Variants in PRG3 observed in about 807,000 individuals in gnomAD.
PRG3 encodes proteoglycan 3.
In PRG3, 25 loss-of-function variants were observed where a neutral mutation model predicts 26.1. That is an observed-to-expected ratio of 0.96 (90% CI 0.70 to 1.34). PRG3 has a LOEUF of 1.34. Ranked by LOEUF, PRG3 falls within the 40% of genes most tolerant of loss-of-function variation. PRG3 has a pLI of 0.00. For synonymous variants in PRG3, 111 were observed against 100.4 expected (o/e 1.11, Z -0.63); for missense variants, 280 against 264.8 (o/e 1.06, Z -0.40).
intron 5 of PRG3, 105 bp downstream of exon 5, chr11:57,377,620 G>A (rs893398246): frequency 8.8e-6 from 8 of 913,466 alleles, no homozygotes; most frequent in Middle Eastern, 2.7e-4. Flanking sequence ...TTCAGTCAGC[G>A]GGAGGGTCTG....
chr11:57,379,897 A>G (rs975057923), intron 2 of PRG3, 90 bp from the exon 3 acceptor site: 1 of 1,228,278 alleles, frequency 8.1e-7, no homozygotes, highest in Non-Finnish European at 1.1e-6. Flanking sequence ...GAGCTTTCCT[A>G]GGAATTCCAC....
At chr11:57,381,048 C>A in intron 1 of PRG3, 66 bp downstream of exon 1, 2 of 168,530 alleles carry the variant, frequency 1.2e-5, no homozygotes, top group Non-Finnish European at 2.5e-5. Context: ...CGTGTTTGCC[C>A]TATGAGGTGC....
intron 4 of PRG3, among the ~76,000 whole-genome samples, chr11:57,378,433 C>T (rs1452933508): frequency 6.6e-6 from 1 of 151,676 alleles, no homozygotes; most frequent in Non-Finnish European, 1.5e-5. Flanking sequence ...TAGCAATTGC[C>T]TATTTCCTTT....
intron 5 of PRG3, 130 bp from the exon 6 acceptor site, chr11:57,377,038 C>T (rs1856951979): frequency 1.1e-6 from 1 of 885,752 alleles, no homozygotes; most frequent in Non-Finnish European, 1.8e-6. Flanking sequence ...TGTGCTTGCC[C>T]CACATCCCTA....
In PRG3 at chr11:57,379,593, G is replaced by A. The variant is rs752078789; in HGVS notation, c.276C>T (p.Cys92=). Residue 92 remains cysteine, a synonymous_variant, in exon 3 of 6, where the codon TGC becomes TGT. Transcript: ENST00000287143. ...CTTCAACAATGTCTTCTTCCCTGGG[G>A]CACTGGAAGTCCTTGTCTAAGGCAG... is the stretch of plus-strand genomic sequence containing the variant. The part of the protein sequence containing the change: ...DPAALDKDFQ[C]PREEDIVEVQ... 3 of 1,613,858 alleles carry A rather than the reference G, an allele frequency of 1.9e-6. No individual in the cohort carries two copies. The highest frequency in any genetic ancestry group is 1.6e-4 in the Middle Eastern group (1 of 6,062).
chr11:57,378,692 G>C lies in PRG3; in HGVS notation c.496C>G (p.Leu166Val). 2 of 1,613,554 alleles carry C rather than the reference G, an allele frequency of 1.2e-6. No homozygotes were observed. The highest frequency in any genetic ancestry group is 1.7e-6 in the Non-Finnish European group (2 of 1,179,728). The change falls in exon 4 of 6, where the codon CTC becomes GTC. Residue 166 changes from leucine to valine, a missense_variant. Physicochemically the swap from Leu to Val is conservative, Grantham distance 32. Transcript: ENST00000287143. ...NQAQVWIGGNLRGWFLWKRFC... is the reference protein window; with the variant it reads ...NQAQVWIGGNVRGWFLWKRFC... Reference sequence around the variant, plus strand: ...GGCCCCTGACTTACCCAGCCCCTGAGGTTGCCTCCAATCCAGACCTGGGCT... The same window carrying C: ...GGCCCCTGACTTACCCAGCCCCTGACGTTGCCTCCAATCCAGACCTGGGCT...
rs749472873 is a variant in PRG3 at position 57,379,633 on chromosome 11, A to G, written c.236T>C (p.Met79Thr). 1.2e-6 allele frequency: 2 copies of G among 1,613,904 alleles called. No homozygotes were observed. Among genetic ancestry groups the G allele is most frequent in the Non-Finnish European group, 1.7e-6 (2 of 1,180,014 alleles). The change falls in exon 3 of 6, where the codon ATG (methionine) becomes ACG (threonine). Residue 79 changes from methionine (M) to threonine (T), a missense_variant. By Grantham distance (81) the Met-to-Thr change is moderately conservative (BLOSUM62 -1). Transcript: ENST00000287143. ...CQDNFEDEEA[M>T]ESDPAALDKD... ...GTCTAAGGCAGCTGGGTCCGACTCC[A>G]TGGCTTCCTCATCCTCAAAGTTGTC...
Position 57,376,838 on chromosome 11 carries a change from C to G in PRG3, c.*12G>C. Reference sequence around the variant, plus strand: ...GGGAGGGAGCTGCTGGCAGGGTCTCCGTGCCGCTGGCTTAGAAGGAGCAGA... The same window carrying G: ...GGGAGGGAGCTGCTGGCAGGGTCTCGGTGCCGCTGGCTTAGAAGGAGCAGA... On this transcript the variant is annotated 3_prime_UTR_variant, in exon 6 of 6. Transcript: ENST00000287143. 3 of 1,612,348 alleles carry G rather than the reference C, an allele frequency of 1.9e-6. No individual in the cohort carries two copies. Among genetic ancestry groups the G allele is most frequent in the Non-Finnish European group, 2.5e-6 (3 of 1,179,792 alleles).
rs374338681 is a variant in PRG3 at position 57,377,142 on chromosome 11, A to C, written c.620-234T>G. Among the ~76,000 whole-genome samples the C allele has an allele frequency of 6.9e-4, 105 of 152,236 alleles. 4 individuals carry two copies. In the South Asian group the frequency reaches 0.021, roughly 31 times the overall value. On this transcript the variant is annotated intron_variant, in intron 5 of 5. Transcript: ENST00000287143. ...TGGACTATTGCATTTAATCCTTACCATGACTCCAAGAGGTGGGTGCTGTCA... is the reference window on the plus strand; with the variant it reads ...TGGACTATTGCATTTAATCCTTACCCTGACTCCAAGAGGTGGGTGCTGTCA...
rs1415813456 is a variant in PRG3 at position 57,379,635 on chromosome 11, G to A, written c.234C>T (p.Ala78=). The change falls in exon 3 of 6, where the codon GCC becomes GCT. Residue 78 remains alanine, a synonymous_variant. Transcript: ENST00000287143. ...ACQDNFEDEE[A]MESDPAALDK... Reference sequence around the variant, plus strand: ...CTAAGGCAGCTGGGTCCGACTCCATGGCTTCCTCATCCTCAAAGTTGTCTT... The same window carrying A: ...CTAAGGCAGCTGGGTCCGACTCCATAGCTTCCTCATCCTCAAAGTTGTCTT... 6.2e-7 allele frequency: 1 copy of A among 1,613,918 alleles called. No individual in the cohort carries two copies.
In PRG3 at chr11:57,377,831, C is replaced by A. The variant is rs750860981; in HGVS notation, c.513G>T (p.Leu171=). Residue 171 remains leucine (L), a synonymous_variant, in exon 5 of 6, where the codon CTG becomes CTT. Coordinates refer to ENST00000287143, the MANE Select transcript of PRG3 (RefSeq NM_006093.4). The part of the protein sequence containing the change: ...WIGGNLRGWF[L]WKRFCWTDGS... The stretch of plus-strand genomic sequence containing the variant: ...CATCAGTCCAGCAAAACCGCTTCCA[C>A]AGGAACTAGAGAAGTGACAGGCTAG... 6.2e-7 allele frequency: 1 copy of A among 1,612,592 alleles called. No homozygotes were observed.
At position 57,379,827 on chromosome 11, in the gene PRG3, T is replaced by C; in HGVS notation, c.62-20A>G. On this transcript the variant is annotated intron_variant, in intron 2 of 5. Transcript: ENST00000287143. ...CATTCTCTGGGAAGAAGAGGTAACC[T>C]GCCATCAGGTCAAGAGCTTCCTAGT... 1 of 1,586,034 alleles carries C rather than the reference T, an allele frequency of 6.3e-7. No homozygotes were observed. Among genetic ancestry groups the C allele is most frequent in the Non-Finnish European group, 8.6e-7 (1 of 1,165,934 alleles).
chr11:57,378,592 G>A (rs1856965765), intron 4 of PRG3, 89 bp downstream of exon 4: 1 of 1,522,228 alleles, frequency 6.6e-7, no homozygotes, highest in Admixed American at 1.8e-5. Flanking sequence ...GGAAACCTTA[G>A]CTGCTGGCCT....
chr11:57,381,124 T>C lies in PRG3; in HGVS notation c.-84A>G. 1 of 153,992 alleles carries C rather than the reference T, an allele frequency of 6.5e-6. No individual in the cohort carries two copies. Among genetic ancestry groups the C allele is most frequent in the Non-Finnish European group, 1.4e-5 (1 of 69,402 alleles). The allele number at this position is 153,992 out of a possible 1,614,324, so 9.5% of individuals were successfully genotyped here. On this transcript the variant is annotated 5_prime_UTR_variant, in exon 1 of 6. Transcript: ENST00000287143. ...CAGAAAAGAACTCACCTTCCAAGAGTCTGAGACCTCCACTCTCAGTGCCTC... is the reference window on the plus strand; with the variant it reads ...CAGAAAAGAACTCACCTTCCAAGAGCCTGAGACCTCCACTCTCAGTGCCTC...
chr11:57,379,389 G>A, intron 3 of PRG3, 105 bp downstream of exon 3: 1 of 1,134,996 alleles, frequency 8.8e-7, no homozygotes, highest in South Asian at 1.6e-5. Flanking sequence ...TGATTCTGAT[G>A]CATGCGAGGC....
intron 2 of PRG3, among the ~76,000 whole-genome samples, chr11:57,380,438 C>A (rs1433720958): frequency 4.7e-5 from 7 of 150,260 alleles, no homozygotes; most frequent in African/African-American, 9.8e-5. Context: ...AAAACAAAAA[C>A]AACAACAACA....
chr11:57,378,743 G>A lies in PRG3; in HGVS notation c.445C>T (p.Gln149Ter). The A allele has an allele frequency of 1.2e-6, 2 of 1,613,866 alleles. No homozygotes were observed. Residue 149 changes from glutamine (Q) to a stop codon, truncating the protein, a stop_gained, in exon 4 of 6, where the codon CAG (glutamine) becomes TAG (stop). Transcript: ENST00000287143. LOFTEE classifies it high-confidence loss of function. The part of the protein sequence containing the change: ...IHDFNFNYRI[Q>*]CCTSTVNQAQ... ...TGGTTGACTGTGCTAGTGCAGCACT[G>A]AATGCGATAGTTGAAGTTGAAGTCA... is the stretch of plus-strand genomic sequence containing the variant.
In PRG3 at chr11:57,377,762, CCCAGGTTGCCCTGGGGA is replaced by C; in HGVS notation, c.565_581del (p.Ser189GlufsTer53). ...GGGCCACACAGGAGCCTTGCCCATT[CCCAGGTTGCCCTGGGGA>C]CCAGTAAGCAAAATTCCAGTGGCTC... On this transcript the variant is annotated frameshift_variant, in exon 5 of 6. Transcript: ENST00000287143. LOFTEE classifies it low-confidence loss of function (END_TRUNC). 1 of 1,613,134 alleles carries C rather than the reference CCCAGGTTGCCCTGGGGA, an allele frequency of 6.2e-7. No individual in the cohort carries two copies.
chr11:57,378,896 CA>C, intron 3 of PRG3, 84 bp from the exon 4 acceptor site: 1 of 1,555,036 alleles, frequency 6.4e-7, no homozygotes, highest in Non-Finnish European at 8.8e-7. Flanking sequence ...CATCCCTTTT[CA>C]GGTTAAAAAT....
Sources: gnomAD v4.1 joint callset for allele counts (sites outside exome capture counted in the v4.1 genomes callset) on GRCh38, gnomAD v4.1.1 for gene constraint, MANE v1.5 for transcripts, NCBI Gene and HGNC (gene_info 2026-07-23, HGNC 2026-07-21) for gene names.